The following PTPN9 variants were observed in gnomAD, a reference collection of about 807,000 sequenced individuals.
The protein encoded by PTPN9 is protein tyrosine phosphatase non-receptor type 9.
PTPN9 carries 26 observed loss-of-function variants against 69.8 expected under a neutral mutation model. The ratio of observed to expected loss-of-function variants is 0.37; its 90% CI spans 0.27 to 0.52. PTPN9 has a LOEUF of 0.52. Among genes scored for constraint, PTPN9 ranks in the 20% least tolerant of loss-of-function variants. PTPN9 has a pLI of 0.91. For missense variants in PTPN9, 549 were observed against 740.3 expected (o/e 0.74, Z 3.00); for synonymous variants, 274 against 272.5 (o/e 1.01, Z -0.05).
chr15:75,526,739 T>C (rs1402586224), intron 2 of PTPN9, among the ~76,000 whole-genome samples: 3 of 152,186 alleles, frequency 2.0e-5, no homozygotes, highest in African/African-American at 7.2e-5. Context: ...TTCATCTGAA[T>C]GGCAAGTTTC....
In PTPN9 at chr15:75,481,333, G is replaced by A. The variant is rs1261173325; in HGVS notation, c.1063-1419C>T. Among the ~76,000 whole-genome samples the A allele has an allele frequency of 4.9e-3, 228 of 46,984 alleles. 2 individuals are homozygous for A. Among genetic ancestry groups the A allele is most frequent in the African/African-American group, 0.017 (218 of 12,868 alleles). The allele number at this position is 46,984 out of a possible 152,430, so 30.8% of individuals were successfully genotyped here. ...CGCCGGGCAGCCACCCCGTCCGGGA[G>A]GGAGGTGGGGGGGGGTCAGCCCCCG... On this transcript the variant is annotated intron_variant, in intron 8 of 12. Transcript: ENST00000618819.
At position 75,527,168 on chromosome 15, in the gene PTPN9, C is replaced by G. The variant is rs1212009842; in HGVS notation, c.157G>C (p.Ala53Pro). 6.2e-7 allele frequency: 1 copy of G among 1,614,156 alleles called. No individual in the cohort carries two copies. The highest frequency in any genetic ancestry group is 8.5e-7 in the Non-Finnish European group (1 of 1,180,034). The change falls in exon 2 of 13, where the codon GCA becomes CCA. Residue 53 changes from alanine (A) to proline (P), a missense_variant. Around this residue, in one of 3 missense-constraint regions of PTPN9, gnomAD observed 457 missense variants for 661.9 expected, o/e 0.69. Transcript: ENST00000618819. The stretch of plus-strand genomic sequence containing the variant: ...GCACGGAGCACATCAAACTTCCTTG[C>G]CATGAGGAACTTGACAGCCACATTC... ...SWNVAVKFLMARKFDVLRAIE... is the reference protein window; with the variant it reads ...SWNVAVKFLMPRKFDVLRAIE...
In PTPN9 at chr15:75,467,445, G is replaced by A. The variant is rs1174923573; in HGVS notation, c.*1324C>T. ...GATGAGTGGGCTGGGAGCAGGCAGG[G>A]ACAGGTTGGGTGGGTAGGGGACAAA... is the stretch of plus-strand genomic sequence containing the variant. On this transcript the variant is annotated 3_prime_UTR_variant, in exon 13 of 13. Coordinates refer to ENST00000618819, the MANE Select transcript of PTPN9 (RefSeq NM_002833.4). The A allele has an allele frequency of 6.6e-6, 1 of 152,496 alleles. No homozygotes were observed. Among genetic ancestry groups the A allele is most frequent in the East Asian group, 1.9e-4 (1 of 5,188 alleles). The allele number at this position is 152,496 out of a possible 1,614,324, so 9.4% of individuals were successfully genotyped here.
chr15:75,559,109 G>A (rs1407757428), intron 1 of PTPN9, among the ~76,000 whole-genome samples: 2 of 151,322 alleles, frequency 1.3e-5, no homozygotes, highest in Non-Finnish European at 1.5e-5. Flanking sequence ...GCCGCCCATC[G>A]TCTGAGATGT....
chr15:75,550,013 T>A (rs2075050440), intron 1 of PTPN9, among the ~76,000 whole-genome samples: 1 of 148,422 alleles, frequency 6.7e-6, no homozygotes, highest in Non-Finnish European at 1.5e-5. Context: ...CTTGATAAAC[T>A]CCTTTTTCCG....
chr15:75,578,884 T>A lies in PTPN9; in HGVS notation c.-108A>T, dbSNP rs1478412902. Reference sequence around the variant, plus strand: ...CGCGCCTCAGCAGCCCGGGGCCGGCTCGCGCATAGTGTGGCCGGCAGGGCC... The same window carrying A: ...CGCGCCTCAGCAGCCCGGGGCCGGCACGCGCATAGTGTGGCCGGCAGGGCC... On this transcript the variant is annotated 5_prime_UTR_variant, in exon 1 of 13. Transcript: ENST00000618819. The A allele has an allele frequency of 2.7e-6, 2 of 741,978 alleles. No individual in the cohort carries two copies. The highest frequency in any genetic ancestry group is 8.7e-5 in the East Asian group (2 of 22,892). The allele number at this position is 741,978 out of a possible 1,614,324, so 46.0% of individuals were successfully genotyped here. A position where few individuals can be genotyped will look rare whatever the true frequency, so the allele number is the denominator to read the frequency against.
chr15:75,568,812 G>A (rs953620896), intron 1 of PTPN9, among the ~76,000 whole-genome samples: 8 of 152,094 alleles, frequency 5.3e-5, no homozygotes, highest in African/African-American at 1.9e-4. Context: ...ACTTCAGCCT[G>A]GGCAACAGAA....
In PTPN9 at chr15:75,485,525, C is replaced by T. The variant is rs1394511097; in HGVS notation, c.1062+4683G>A. Among the ~76,000 whole-genome samples, 7 of 150,562 alleles carry T rather than the reference C, an allele frequency of 4.6e-5. No individual in the cohort carries two copies. The East Asian group carries it at 6.0e-4, about 13-fold the overall frequency. On this transcript the variant is annotated intron_variant, in intron 8 of 12. Coordinates refer to ENST00000618819, the MANE Select transcript of PTPN9 (RefSeq NM_002833.4). Reference sequence around the variant, plus strand: ...CTGGGACTACAGGCGCCCGCCACCGCGCCCGGCTAATTTTTTGTATTTTTT... The same window carrying T: ...CTGGGACTACAGGCGCCCGCCACCGTGCCCGGCTAATTTTTTGTATTTTTT...
At chr15:75,474,587 T>A (rs2074585881) in intron 9 of PTPN9, among the ~76,000 whole-genome samples, 1 of 152,172 alleles carries the variant, frequency 6.6e-6, no homozygotes, top group South Asian at 2.1e-4. Context: ...CATTCTTAAA[T>A]CATTCAGTCT....
rs2075040422 is a variant in PTPN9, at chr15:75,547,890, T to C, written c.64-20629A>G. On this transcript the variant is annotated intron_variant, in intron 1 of 12. Coordinates refer to ENST00000618819, the MANE Select transcript of PTPN9 (RefSeq NM_002833.4). ...CATATTAGCCAGGCTATTGTCGAAC[T>C]CCTGATCTCAAGTGATCCACTTGCC... Among the ~76,000 whole-genome samples the C allele has an allele frequency of 2.6e-5, 4 of 152,144 alleles. No individual in the cohort carries two copies. In the South Asian group the frequency reaches 8.3e-4, roughly 32 times the overall value.
rs767509440 is a variant in PTPN9, at chr15:75,556,979, GC to G, written c.63+21734del. Among the ~76,000 whole-genome samples the G allele has an allele frequency of 5.9e-5, 9 of 152,280 alleles. No individual in the cohort carries two copies. In the South Asian group the frequency reaches 6.2e-4, roughly 11 times the overall value. On this transcript the variant is annotated intron_variant, in intron 1 of 12. Coordinates refer to ENST00000618819, the MANE Select transcript of PTPN9 (RefSeq NM_002833.4). ...TCCTGTGTCTGGCTTATTTCATGAA[GC>G]CGAATGTTTCCAAGGTCCATCATGG...
At chr15:75,556,528 C>T (rs1460225244) in intron 1 of PTPN9, among the ~76,000 whole-genome samples, 4 of 151,984 alleles carry the variant, frequency 2.6e-5, no homozygotes, top group Admixed American at 2.6e-4. Context: ...AGGCATGTGC[C>T]ACCACACCTG....
chr15:75,556,500 C>T (rs1455326064), intron 1 of PTPN9, among the ~76,000 whole-genome samples: 1 of 152,090 alleles, frequency 6.6e-6, no homozygotes, highest in Non-Finnish European at 1.5e-5. Flanking sequence ...CCTCAGCCTT[C>T]TGAGTAGCTG....
chr15:75,507,446 CA>C (rs762520293), intron 6 of PTPN9, among the ~76,000 whole-genome samples: 35,473 of 89,060 alleles, frequency 0.4, 5,121 homozygotes, highest in African/African-American at 0.53. Flanking sequence ...AACTCTGTCG[CA>C]AAAAAAAAAA....
At chr15:75,486,780 TG>T (rs1326691473) in intron 8 of PTPN9, among the ~76,000 whole-genome samples, 12 of 141,432 alleles carry the variant, frequency 8.5e-5, no homozygotes, top group East Asian at 6.5e-4. Context: ...GCATATGTGG[TG>T]TTTTTTTTTT....
At chr15:75,503,876 C>T (rs1251918766) in intron 7 of PTPN9, among the ~76,000 whole-genome samples, 4 of 114,902 alleles carry the variant, frequency 3.5e-5, no homozygotes, top group African/African-American at 1.0e-4. Flanking sequence ...GCCCTCCGCC[C>T]GGCCAGCCGC....
At chr15:75,500,581 A>G (rs965077523) in intron 7 of PTPN9, among the ~76,000 whole-genome samples, 7 of 152,112 alleles carry the variant, frequency 4.6e-5, no homozygotes, top group Non-Finnish European at 8.8e-5. Context: ...TCTGTTTGCA[A>G]AAGAGATTGG....
intron 2 of PTPN9, among the ~76,000 whole-genome samples, chr15:75,525,454 A>G (rs1226538649): frequency 6.7e-6 from 1 of 149,814 alleles, no homozygotes; most frequent in African/African-American, 2.5e-5. Flanking sequence ...TCGGCCTCCC[A>G]AAGTGCTGGG....
Position 75,463,731 on chromosome 15 carries a change from G to A in PTPN9, c.*5038C>T, listed in dbSNP as rs1479016566. The A allele has an allele frequency of 6.6e-6, 1 of 152,126 alleles. No individual in the cohort carries two copies. Among genetic ancestry groups the A allele is most frequent in the Non-Finnish European group, 1.5e-5 (1 of 68,020 alleles). 9.4% of individuals were successfully genotyped at this position (152,126 alleles called of 1,614,324 possible). ...ATTTCTATTTGTGGAGAAGATCCTA[G>A]TCTTCTCTGTAGTCAATTATGAACA... On this transcript the variant is annotated 3_prime_UTR_variant, in exon 13 of 13. Coordinates refer to ENST00000618819, the MANE Select transcript of PTPN9 (RefSeq NM_002833.4).
Sources: allele counts gnomAD v4.1 joint callset (sites outside exome capture counted in the v4.1 genomes callset), GRCh38; gene constraint gnomAD v4.1.1; regional missense constraint gnomAD v4.1.1; transcripts MANE v1.5; gene names NCBI Gene and HGNC (gene_info 2026-07-23, HGNC 2026-07-21).